ZNF467: variants seen among roughly 807,000 people sequenced by gnomAD.
ZNF467 encodes the protein zinc finger protein 467, also known as zinc finger protein EZI.
A neutral mutation model predicts 47.8 loss-of-function variants in ZNF467; 51 were observed. That is an observed-to-expected ratio of 1.07 (90% confidence interval 0.85 to 1.35). The LOEUF is 1.35. ZNF467 is among the 40% of genes most tolerant of loss of function. ZNF467 has a pLI of 0.00. For missense variants in ZNF467, 992 were observed against 858.1 expected (o/e 1.16, Z -1.95); for synonymous variants, 416 against 372.9 (o/e 1.12, Z -1.33).
chr7:149,766,189 C>T lies in ZNF467; in HGVS notation c.313G>A (p.Ala105Thr). 1 of 1,545,434 alleles carries T rather than the reference C, an allele frequency of 6.5e-7. No individual in the cohort carries two copies. The highest frequency in any genetic ancestry group is 8.7e-7 in the Non-Finnish European group (1 of 1,144,690). Reference sequence around the variant, plus strand: ...TGGGGCCATTCGACCTCCTCTTCTGCCTCCTGATCTTCGTCCTCCACCTTC... The same window carrying T: ...TGGGGCCATTCGACCTCCTCTTCTGTCTCCTGATCTTCGTCCTCCACCTTC... ...KVKVEDEDQEAEEEVEWPQHL... is the reference protein window; with the variant it reads ...KVKVEDEDQETEEEVEWPQHL... The change falls in exon 5 of 5, where the codon GCA becomes ACA. Residue 105 changes from alanine to threonine, a missense_variant. By Grantham distance (58) the Ala-to-Thr change is moderately conservative. Coordinates refer to ENST00000302017, the MANE Select transcript of ZNF467 (RefSeq NM_207336.3).
At position 149,764,864 on chromosome 7, in the gene ZNF467, C is replaced by A. The variant is rs773051157; in HGVS notation, c.1638G>T (p.Pro546=). ...TGCGGCTGAAGCTCTTTCCGCACTG[C>A]GGGCAGGAGAAGGGGCGGGAGCCTG... ...IHTGSRPFSC[P]QCGKSFSRKT... The change falls in exon 5 of 5, where the codon CCG becomes CCT. Residue 546 remains proline (P), a synonymous_variant. Transcript: ENST00000302017. 6.4e-7 allele frequency: 1 copy of A among 1,554,078 alleles called. No individual in the cohort carries two copies. The highest frequency in any genetic ancestry group is 8.7e-7 in the Non-Finnish European group (1 of 1,151,410).
At chr7:149,775,872 C>T (rs543273163), upstream of ZNF467, among the ~76,000 whole-genome samples, 2 of 151,618 alleles carry the variant, frequency 1.3e-5, no homozygotes, top group African/African-American at 2.4e-5. Flanking sequence ...TGCCCTGGGG[C>T]ATGAGACTGG....
chr7:149,770,122 C>G (rs1301449645), intron 3 of ZNF467, among the ~76,000 whole-genome samples: 6 of 151,334 alleles, frequency 4.0e-5, no homozygotes, highest in Non-Finnish European at 7.4e-5. Flanking sequence ...GGACATTATC[C>G]TCTCCCCCAG....
chr7:149,767,029 G>T (rs1246327673), intron 4 of ZNF467, among the ~76,000 whole-genome samples: 1 of 152,252 alleles, frequency 6.6e-6, no homozygotes, highest in African/African-American at 2.4e-5. Flanking sequence ...GGATTCCGCT[G>T]GAGTGTTGCC....
rs1799483947 is a variant in ZNF467, at chr7:149,773,237, T to G, written c.-172A>C. The stretch of plus-strand genomic sequence containing the variant: ...CTGACGGCCTGAAAGACTGACAGAC[T>G]GACAGCCCCGAAACTTCGCGGGGAG... On this transcript the variant is annotated 5_prime_UTR_variant, in exon 1 of 5. Transcript: ENST00000302017. 6.6e-6 allele frequency: 1 copy of G among 150,770 alleles called. No homozygotes were observed. Among genetic ancestry groups the G allele is most frequent in the Admixed American group, 6.6e-5 (1 of 15,202 alleles). The allele number at this position is 150,770 out of a possible 1,614,324, so 9.3% of individuals were successfully genotyped here. A position where few individuals can be genotyped will look rare whatever the true frequency, so the allele number is the denominator to read the frequency against.
chr7:149,765,375 A>C lies in ZNF467; in HGVS notation c.1127T>G (p.Leu376Arg), dbSNP rs754945066. Reference sequence around the variant, plus strand: ...AAAGGGGCGACCCTCGCTGCGGTGCAGACACTGGTGCGTGGCGAGGTTCTT... The same window carrying C: ...AAAGGGGCGACCCTCGCTGCGGTGCCGACACTGGTGCGTGGCGAGGTTCTT... ...WKKNLATHQC[L>R]HRSEGRPFGC... The change falls in exon 5 of 5, where the codon CTG becomes CGG. Residue 376 changes from leucine (L) to arginine (R), a missense_variant. Transcript: ENST00000302017. 6.4e-7 allele frequency: 1 copy of C among 1,562,564 alleles called. No homozygotes were observed. Among genetic ancestry groups the C allele is most frequent in the Non-Finnish European group, 8.7e-7 (1 of 1,154,220 alleles).
chr7:149,775,384 G>A (rs1236129061), upstream of ZNF467, among the ~76,000 whole-genome samples: 1 of 152,146 alleles, frequency 6.6e-6, no homozygotes, highest in Non-Finnish European at 1.5e-5. Flanking sequence ...CGACTCCTCA[G>A]TTTGGGCAAG....
At position 149,764,881 on chromosome 7, in the gene ZNF467, G is replaced by C. The variant is rs1282223335; in HGVS notation, c.1621C>G (p.Arg541Gly). 6.4e-7 allele frequency: 1 copy of C among 1,562,850 alleles called. No homozygotes were observed. The highest frequency in any genetic ancestry group is 8.7e-7 in the Non-Finnish European group (1 of 1,155,992). The change falls in exon 5 of 5, where the codon CGC becomes GGC. Residue 541 changes from arginine to glycine, a missense_variant. Coordinates refer to ENST00000302017, the MANE Select transcript of ZNF467 (RefSeq NM_207336.3). The stretch of plus-strand genomic sequence containing the variant: ...CCGCACTGCGGGCAGGAGAAGGGGC[G>C]GGAGCCTGTGTGGATCGCCTGGTGG... ...VRHQAIHTGS[R>G]PFSCPQCGKS...
intron 3 of ZNF467, 136 bp downstream of exon 3, chr7:149,770,304 T>C: frequency 1.7e-6 from 1 of 572,116 alleles, no homozygotes. Context: ...TCAATAAATA[T>C]TTGATGAATG....
rs759760637 is a variant in ZNF467 at position 149,771,067 on chromosome 7, C to T, written c.-35G>A. ...GAGTAGCTCCTCCTGGGGATCAGGC[C>T]ACAGAACCTATGGAGAAAAGACAGC... On this transcript the variant is annotated 5_prime_UTR_variant, in exon 2 of 5. Transcript: ENST00000302017. 4.3e-6 allele frequency: 7 copies of T among 1,613,922 alleles called. No individual in the cohort carries two copies. Among genetic ancestry groups the T allele is most frequent in the Middle Eastern group, 1.7e-4 (1 of 6,058 alleles).
chr7:149,770,653 CTT>C (rs1799374005), intron 2 of ZNF467, 97 bp from the exon 3 acceptor site: 4 of 1,047,754 alleles, frequency 3.8e-6, no homozygotes, highest in East Asian at 4.8e-5. Flanking sequence ...GCCCAAGAGA[CTT>C]TTCCCAACCT....
In ZNF467 at chr7:149,764,751, G is replaced by A. The variant is rs778168025; in HGVS notation, c.1751C>T (p.Ala584Val). 4.5e-6 allele frequency: 7 copies of A among 1,541,916 alleles called. No individual in the cohort carries two copies. The highest frequency in any genetic ancestry group is 1.4e-5 in the African/African-American group (1 of 73,024). ...CGGGGGCGGCGCCACCTCGGGGGGA[G>A]CGGACCAGGCTGGGGCCGCAAGGGC... ...DAALAAPAWS[A>V]PPEVAPPPLF... The change falls in exon 5 of 5, where the codon GCT (alanine) becomes GTT (valine). Residue 584 changes from alanine to valine, a missense_variant. Physicochemically the swap from Ala to Val is moderately conservative, Grantham distance 64 (BLOSUM62 0). Coordinates refer to ENST00000302017, the MANE Select transcript of ZNF467 (RefSeq NM_207336.3).
rs144746785 is a variant in ZNF467, at chr7:149,770,502, G to A, written c.89C>T (p.Ser30Phe). The change falls in exon 3 of 5, where the codon TCC becomes TTC. Residue 30 changes from serine to phenylalanine, a missense_variant. By Grantham distance (155) the Ser-to-Phe change is radical (BLOSUM62 -2). Coordinates refer to ENST00000302017, the MANE Select transcript of ZNF467 (RefSeq NM_207336.3). Reference protein sequence around the residue: ...MAPQSEPREGSHNAQEQMSSS... With the variant: ...MAPQSEPREGFHNAQEQMSSS... Reference sequence around the variant, plus strand: ...GGACATCTGCTCCTGGGCATTATGGGATCCTTCCCTGGGCTCACTTTGGGG... The same window carrying A: ...GGACATCTGCTCCTGGGCATTATGGAATCCTTCCCTGGGCTCACTTTGGGG... The A allele has an allele frequency of 5.0e-6, 8 of 1,613,834 alleles. No homozygotes were observed. Among genetic ancestry groups the A allele is most frequent in the Non-Finnish European group, 6.8e-6 (8 of 1,179,908 alleles).
chr7:149,764,841 C>A lies in ZNF467; in HGVS notation c.1661G>T (p.Arg554Leu), dbSNP rs756635234. Residue 554 changes from arginine to leucine, a missense_variant, in exon 5 of 5, where the codon CGC (arginine) becomes CTC (leucine). By Grantham distance (102) the Arg-to-Leu change is moderately radical. Transcript: ENST00000302017. ...SCPQCGKSFS[R>L]KTHLVRHQLI... ...CTGGTGCCGCACCAGGTGGGTCTTGCGGCTGAAGCTCTTTCCGCACTGCGG... is the reference window on the plus strand; with the variant it reads ...CTGGTGCCGCACCAGGTGGGTCTTGAGGCTGAAGCTCTTTCCGCACTGCGG... 5 of 1,546,580 alleles carry A rather than the reference C, an allele frequency of 3.2e-6. No homozygotes were observed. Among genetic ancestry groups the A allele is most frequent in the Non-Finnish European group, 4.4e-6 (5 of 1,147,116 alleles).
Position 149,764,754 on chromosome 7 carries a change from G to C in ZNF467, c.1748C>G (p.Ser583Cys). The C allele has an allele frequency of 6.5e-7, 1 of 1,538,796 alleles. No homozygotes were observed. Among genetic ancestry groups the C allele is most frequent in the South Asian group, 1.3e-5 (1 of 79,768 alleles). ...PDAALAAPAW[S>C]APPEVAPPPL... ...GGGCGGCGCCACCTCGGGGGGAGCG[G>C]ACCAGGCTGGGGCCGCAAGGGCGGC... is the stretch of plus-strand genomic sequence containing the variant. The change falls in exon 5 of 5, where the codon TCC becomes TGC. Residue 583 changes from serine (S) to cysteine (C), a missense_variant. Transcript: ENST00000302017.
rs752459373 is a variant in ZNF467 at position 149,765,950 on chromosome 7, G to A, written c.552C>T (p.Gly184=). The A allele has an allele frequency of 6.4e-7, 1 of 1,551,966 alleles. No individual in the cohort carries two copies. The highest frequency in any genetic ancestry group is 1.2e-5 in the South Asian group (1 of 85,070). The change falls in exon 5 of 5, where the codon GGC becomes GGT. Residue 184 remains glycine (G), a synonymous_variant. Transcript: ENST00000302017. ...TLRLHQRLHR[G]EGPCACPDCG... ...AGTCCGGGCAGGCGCAGGGGCCCTCGCCCCGGTGCAGCCGCTGGTGCAGTC... is the reference window on the plus strand; with the variant it reads ...AGTCCGGGCAGGCGCAGGGGCCCTCACCCCGGTGCAGCCGCTGGTGCAGTC...
upstream of ZNF467, chr7:149,776,187 C>G: frequency 9.0e-7 from 1 of 1,108,036 alleles, no homozygotes; most frequent in Non-Finnish European, 1.2e-6. Flanking sequence ...CCCCCACCCC[C>G]GGGATCCTCC....
In ZNF467 at chr7:149,765,683, G is replaced by A. The variant is rs780572220; in HGVS notation, c.819C>T (p.Pro273=). ...QKTHTGERPF[P]CTECEKRFRK... ...GAAAGCGCTTCTCGCATTCCGTGCA[G>A]GGGAAGGGCCGCTCGCCGGTGTGGG... is the stretch of plus-strand genomic sequence containing the variant. The change falls in exon 5 of 5, where the codon CCC becomes CCT. Residue 273 remains proline (P), a synonymous_variant. Transcript: ENST00000302017. 2 of 1,613,244 alleles carry A rather than the reference G, an allele frequency of 1.2e-6. No homozygotes were observed. Among genetic ancestry groups the A allele is most frequent in the African/African-American group, 2.7e-5 (2 of 74,914 alleles).
At chr7:149,772,708 C>T (rs1431272028) in intron 1 of ZNF467, among the ~76,000 whole-genome samples, 1 of 148,912 alleles carries the variant, frequency 6.7e-6, no homozygotes, top group Non-Finnish European at 1.5e-5. Context: ...GCTCACCTGT[C>T]AGCGCCCTCC....
Sources: allele counts gnomAD v4.1 joint callset (sites outside exome capture counted in the v4.1 genomes callset), GRCh38; gene constraint gnomAD v4.1.1; transcripts MANE v1.5; gene names NCBI Gene and HGNC (gene_info 2026-07-23, HGNC 2026-07-21).